CDK17: variants seen among roughly 807,000 people sequenced by gnomAD.
The protein encoded by CDK17 is cyclin-dependent kinase 17.
In CDK17, 24 loss-of-function variants were observed where a neutral mutation model predicts 77.6. That is an observed-to-expected ratio of 0.31 (90% CI 0.22 to 0.44). The LOEUF (loss-of-function observed/expected upper bound fraction) is 0.44. Among genes scored for constraint, CDK17 ranks in the 20% least tolerant of loss-of-function variants. The probability of loss-of-function intolerance (pLI) is 1.00; values close to 1 mark genes in which losing one functional copy is unlikely to be tolerated. For missense variants in CDK17, 429 were observed against 622.5 expected, an observed-to-expected ratio of 0.69 and a Z score of 3.31; for synonymous variants, 203 against 210.4, an observed-to-expected ratio of 0.96 and a Z score of 0.30.
At chr12:96,326,415 T>C (rs1335459803) in intron 2 of CDK17, among the ~76,000 whole-genome samples, 2 of 152,182 alleles carry the variant, frequency 1.3e-5, no homozygotes, top group South Asian at 4.1e-4. Flanking sequence ...ACACTGTATA[T>C]TGAGGAAAGT....
At chr12:96,331,429 A>C (rs1188790305) in intron 2 of CDK17, among the ~76,000 whole-genome samples, 6 of 152,148 alleles carry the variant, frequency 3.9e-5, no homozygotes, top group Non-Finnish European at 5.9e-5. Context: ...AGTTAAGGCC[A>C]GAATCCTTAA....
intron 3 of CDK17, among the ~76,000 whole-genome samples, chr12:96,322,423 CAG>C (rs1445645712): frequency 3.2e-4 from 48 of 150,172 alleles, no homozygotes; most frequent in Admixed American, 2.9e-3. Context: ...GATTATTAAA[CAG>C]AGAAGAATAT....
In CDK17 at chr12:96,400,167, G is replaced by T. The variant is rs1422966870; in HGVS notation, c.-211C>A. 1.5e-5 allele frequency: 6 copies of T among 394,340 alleles called. No individual in the cohort carries two copies. Among genetic ancestry groups the T allele is most frequent in the Non-Finnish European group, 2.7e-5 (6 of 223,376 alleles). The allele number at this position is 394,340 out of a possible 1,614,324, so 24.4% of individuals were successfully genotyped here. A position where few individuals can be genotyped will look rare whatever the true frequency, so the allele number is the denominator to read the frequency against. ...CCTTCCGGCTCTCGCCGCGGGTCCGGAGCCTCGGGAGGGGCCGCGGGTGTC... is the reference window on the plus strand; with the variant it reads ...CCTTCCGGCTCTCGCCGCGGGTCCGTAGCCTCGGGAGGGGCCGCGGGTGTC... On this transcript the variant is annotated 5_prime_UTR_variant, in exon 1 of 17. Transcript: ENST00000261211.
chr12:96,313,358 C>A lies in CDK17; in HGVS notation c.380G>T (p.Cys127Phe), dbSNP rs1377960950. 6.3e-7 allele frequency: 1 copy of A among 1,597,650 alleles called. No individual in the cohort carries two copies. Among genetic ancestry groups the A allele is most frequent in the Non-Finnish European group, 8.5e-7 (1 of 1,174,166 alleles). The change falls in exon 4 of 17, where the codon TGT becomes TTT. Residue 127 changes from cysteine (C) to phenylalanine (F), a missense_variant. Cys to Phe is a radical substitution (Grantham distance 205). This residue lies in a region of CDK17 where 262 missense variants were observed against 385.4 expected (regional missense o/e 0.68). Transcript: ENST00000261211. ...CCGTCTATGTATACGATTTCTGAGA[C>A]AAACACCTGTAGGTGACTGGACTTC... ...SDEVQSPTGV[C>F]LRNRIHRRIS... is the part of the protein sequence containing the mutation.
In CDK17 at chr12:96,377,754, T is replaced by C. The variant is rs1038045430; in HGVS notation, c.-30+22232A>G. 2.0e-4 allele frequency among the ~76,000 whole-genome samples: 29 copies of C among 144,212 alleles called. No homozygotes were observed. In the East Asian group the frequency reaches 2.9e-3, roughly 14 times the overall value. 94.6% of individuals were successfully genotyped at this position (144,212 alleles called of 152,430 possible). ...TGTCGCCCAGGCTGGAGTGCAGTGG[T>C]GCGATCTCGGCTCACTGCAAGCTCC... On this transcript the variant is annotated intron_variant, in intron 1 of 16. Coordinates refer to ENST00000261211, the MANE Select transcript of CDK17 (RefSeq NM_002595.5).
intron 10 of CDK17, among the ~76,000 whole-genome samples, chr12:96,291,341 G>A (rs1393118190): frequency 6.6e-6 from 1 of 152,090 alleles, no homozygotes; most frequent in Non-Finnish European, 1.5e-5. Flanking sequence ...AACCAGGCTA[G>A]AATGAAATGG....
In CDK17 at chr12:96,297,752, C is replaced by T. The variant is rs368034250; in HGVS notation, c.716-31G>A. On this transcript the variant is annotated intron_variant, in intron 7 of 16. Coordinates refer to ENST00000261211, the MANE Select transcript of CDK17 (RefSeq NM_002595.5). The stretch of plus-strand genomic sequence containing the variant: ...AAACAGAAAAAGAAAATTGTTTAGT[C>T]TGTGGCAGTCTTTATAAAAACCTGA... 1.3e-5 allele frequency: 15 copies of T among 1,156,528 alleles called. No individual in the cohort carries two copies. In the African/African-American group the frequency reaches 2.2e-4, roughly 17 times the overall value. 71.6% of individuals were successfully genotyped at this position (1,156,528 alleles called of 1,614,324 possible).
Position 96,278,367 on chromosome 12 carries a change from A to C in CDK17, c.*1875T>G, listed in dbSNP as rs1952132458. 6.6e-6 allele frequency: 1 copy of C among 152,160 alleles called. No individual in the cohort carries two copies. The highest frequency in any genetic ancestry group is 1.5e-5 in the Non-Finnish European group (1 of 67,994). 9.4% of individuals were successfully genotyped at this position (152,160 alleles called of 1,614,324 possible). A position where few individuals can be genotyped will look rare whatever the true frequency, so the allele number is the denominator to read the frequency against. On this transcript the variant is annotated 3_prime_UTR_variant, in exon 17 of 17. Transcript: ENST00000261211. Reference sequence around the variant, plus strand: ...TATGAAGTGACAAATTTGATACTTTATAATTGAGAGTGCTATAAAAAAAAC... The same window carrying C: ...TATGAAGTGACAAATTTGATACTTTCTAATTGAGAGTGCTATAAAAAAAAC...
At chr12:96,352,708 T>A (rs1218702984) in intron 1 of CDK17, among the ~76,000 whole-genome samples, 6 of 152,150 alleles carry the variant, frequency 3.9e-5, no homozygotes, top group Non-Finnish European at 8.8e-5. Flanking sequence ...GTACTGTCCT[T>A]TTTCACAATG....
rs1352465327 is a variant in CDK17, at chr12:96,329,956, C to T, written c.118+4763G>A. Among the ~76,000 whole-genome samples the T allele has an allele frequency of 3.9e-5, 6 of 152,308 alleles. No individual in the cohort carries two copies. The South Asian group carries it at 8.3e-4, about 21-fold the overall frequency. On this transcript the variant is annotated intron_variant, in intron 2 of 16. Transcript: ENST00000261211. ...TTGCTTTTTGGTGTTACTTCTAATG[C>T]TAAATAATCATGATAAGTGACATTC...
intron 3 of CDK17, among the ~76,000 whole-genome samples, chr12:96,323,284 ACAAAAACAAAC>A (rs1565819973): frequency 3.1e-5 from 3 of 95,962 alleles, no homozygotes; most frequent in Admixed American, 1.3e-4. Context: ...AAAAAAAAAA[ACAAAAACAAAC>A]AAACAAACAA....
intron 1 of CDK17, among the ~76,000 whole-genome samples, chr12:96,385,390 A>G (rs968809797): frequency 3.9e-5 from 6 of 152,134 alleles, no homozygotes; most frequent in African/African-American, 1.4e-4. Context: ...ATGGGCTGAA[A>G]AACTACCTAT....
intron 5 of CDK17, among the ~76,000 whole-genome samples, chr12:96,306,427 A>T (rs1379978290): frequency 6.6e-6 from 1 of 150,506 alleles, no homozygotes; most frequent in Non-Finnish European, 1.5e-5. Flanking sequence ...AAAAAAAAAA[A>T]TTATATATAT....
At chr12:96,319,121 C>T (rs1242841151) in intron 3 of CDK17, among the ~76,000 whole-genome samples, 2 of 148,056 alleles carry the variant, frequency 1.4e-5, no homozygotes, top group Non-Finnish European at 3.0e-5. Flanking sequence ...GGGGATATCA[C>T]CACTGATCCC....
At chr12:96,322,455 C>T (rs1158557720) in intron 3 of CDK17, among the ~76,000 whole-genome samples, 1 of 147,202 alleles carries the variant, frequency 6.8e-6, no homozygotes, top group Admixed American at 6.8e-5. Flanking sequence ...ACTGTATGCC[C>T]ATAAAACCTA....
At chr12:96,348,037 T>C (rs143898752) in intron 1 of CDK17, among the ~76,000 whole-genome samples, 2 of 152,056 alleles carry the variant, frequency 1.3e-5, no homozygotes, top group African/African-American at 4.8e-5. Flanking sequence ...GCATATGAGA[T>C]GTAGCTAAAG....
chr12:96,353,241 T>C (rs1482811286), intron 1 of CDK17, among the ~76,000 whole-genome samples: 1 of 152,188 alleles, frequency 6.6e-6, no homozygotes, highest in Non-Finnish European at 1.5e-5. Context: ...CATGAAGTAT[T>C]ACATTTCAGC....
At chr12:96,297,753 T>G (rs575303160) in intron 7 of CDK17, 32 bp from the exon 8 acceptor site, 5 of 1,159,120 alleles carry the variant, frequency 4.3e-6, no homozygotes, top group Non-Finnish European at 5.1e-6. Context: ...TTGTTTAGTC[T>G]GTGGCAGTCT....
intron 2 of CDK17, among the ~76,000 whole-genome samples, chr12:96,329,075 T>C (rs1005592689): frequency 6.6e-6 from 1 of 152,104 alleles, no homozygotes; most frequent in Non-Finnish European, 1.5e-5. Context: ...GTTCCACTCA[T>C]ATGAGGTACC....
Sources: allele counts gnomAD v4.1 joint callset (sites outside exome capture counted in the v4.1 genomes callset), GRCh38; gene constraint gnomAD v4.1.1; regional missense constraint gnomAD v4.1.1; transcripts MANE v1.5; gene names NCBI Gene and HGNC (gene_info 2026-07-23, HGNC 2026-07-21).